ANKMY1: variants seen among roughly 807,000 people sequenced by gnomAD.
The protein encoded by ANKMY1 is ankyrin repeat and MYND domain-containing protein 1.
ANKMY1 carries 98 observed loss-of-function variants against 102.0 expected under a neutral mutation model. That is an observed-to-expected ratio of 0.96 (90% CI 0.82 to 1.14). The LOEUF is 1.14. Ranked by LOEUF, ANKMY1 falls within the 50% of genes most tolerant of loss-of-function variation. The pLI is 0.00. For missense variants in ANKMY1, 1,330 were observed against 1,347.6 expected (o/e 0.99, Z 0.20); for synonymous variants, 582 against 559.9 (o/e 1.04, Z -0.56).
chr2:240,519,446 C>T (rs952937990), intron 9 of ANKMY1, among the ~76,000 whole-genome samples: 12 of 152,234 alleles, frequency 7.9e-5, no homozygotes, highest in Non-Finnish European at 1.6e-4. Flanking sequence ...ACTTCCATCT[C>T]GCCCCATCCC....
At chr2:240,512,083 T>C in intron 10 of ANKMY1, 82 bp from the exon 11 acceptor site, 1 of 1,432,708 alleles carries the variant, frequency 7.0e-7, no homozygotes. Context: ...GGGAGCTTCC[T>C]CCCCAGCCTG....
At chr2:240,484,498 A>G (rs1174571971) in intron 15 of ANKMY1, among the ~76,000 whole-genome samples, 1 of 152,236 alleles carries the variant, frequency 6.6e-6, no homozygotes, top group Non-Finnish European at 1.5e-5. Context: ...CTGGCTAGCC[A>G]TATGCAGAAA....
At chr2:240,544,751 G>T (rs1454379954) in intron 4 of ANKMY1, among the ~76,000 whole-genome samples, 1 of 152,178 alleles carries the variant, frequency 6.6e-6, no homozygotes, top group East Asian at 1.9e-4. Flanking sequence ...GGTGACAGAC[G>T]GCACCTGGAA....
intron 13 of ANKMY1, among the ~76,000 whole-genome samples, chr2:240,502,729 G>T (rs1014954783): frequency 6.6e-6 from 1 of 151,262 alleles, no homozygotes; most frequent in Non-Finnish European, 1.5e-5. Context: ...ACTCACCAAC[G>T]CTCTCCTCCA....
chr2:240,554,524 C>T (rs1364770218), intron 3 of ANKMY1: 2 of 211,198 alleles, frequency 9.5e-6, no homozygotes, highest in Non-Finnish European at 1.9e-5. Flanking sequence ...TTAGAACATT[C>T]GCTGCCTTCT....
intron 12 of ANKMY1, among the ~76,000 whole-genome samples, chr2:240,508,563 C>T (rs2079509473): frequency 1.3e-5 from 2 of 152,240 alleles, no homozygotes; most frequent in African/African-American, 4.8e-5. Flanking sequence ...TCTCCATCCC[C>T]TCACTAAGCT....
intron 15 of ANKMY1, among the ~76,000 whole-genome samples, chr2:240,489,802 T>TA (rs2076434966): frequency 6.6e-6 from 1 of 152,244 alleles, no homozygotes; most frequent in African/African-American, 2.4e-5. Flanking sequence ...AATTCCCTCC[T>TA]CCTTAATTTT....
At chr2:240,534,795 A>C (rs1327218794) in intron 4 of ANKMY1, among the ~76,000 whole-genome samples, 1 of 152,100 alleles carries the variant, frequency 6.6e-6, no homozygotes, top group Non-Finnish European at 1.5e-5. Context: ...ATGAGCAGTC[A>C]AAAAAAGCAT....
In ANKMY1 at chr2:240,520,735, CGCACACACACG is replaced by C. The variant is rs1410231017; in HGVS notation, c.1833-213_1833-203del. 1.3e-5 allele frequency among the ~76,000 whole-genome samples: 2 copies of C among 151,000 alleles called. No individual in the cohort carries two copies. Among genetic ancestry groups the C allele is most frequent in the African/African-American group, 4.9e-5 (2 of 41,040 alleles). On this transcript the variant is annotated intron_variant, in intron 8 of 17. Transcript: ENST00000401804. This position sits in a 1 kb window ranked among gnomAD's most constrained non-coding sequence, Gnocchi z 4.8. ...CAACTACACACAAGCCACACCAGAG[CGCACACACACG>C]GCACACACAGCACACCACACAGCAC...
chr2:240,500,305 G>A, intron 14 of ANKMY1, 147 bp downstream of exon 14: 1 of 1,124,440 alleles, frequency 8.9e-7, no homozygotes, highest in South Asian at 1.6e-5. Context: ...ACTTTGGGGG[G>A]TTCACCTCTG....
Position 240,530,411 on chromosome 2 carries a change from G to A in ANKMY1, c.481-902C>T, listed in dbSNP as rs544257625. Among the ~76,000 whole-genome samples the A allele has an allele frequency of 2.6e-5, 4 of 152,274 alleles. No individual in the cohort carries two copies. In the South Asian group the frequency reaches 8.3e-4, roughly 32 times the overall value. ...ACCGTGCCCTTGGTGCTGCCCTCCT[G>A]ATAGGGCATTCTCACGAGATCTGCT... On this transcript the variant is annotated intron_variant, in intron 4 of 17. Transcript: ENST00000401804.
rs376796882 is a variant in ANKMY1 at position 240,520,424 on chromosome 2, C to T, written c.1942G>A (p.Val648Met). The change falls in exon 9 of 18, where the codon GTG becomes ATG. Residue 648 changes from valine (V) to methionine (M), a missense_variant. Transcript: ENST00000401804. This position sits in a 1 kb window ranked among gnomAD's most constrained non-coding sequence, Gnocchi z 4.8. ...TCCAGCAGCAGCCTCACCCCATCCA[C>T]GTCCCCGGCCTTCACAGCAAGGAAC... ...VLFLAVKAGD[V>M]DGVRLLLEHG... 8.7e-5 allele frequency: 140 copies of T among 1,610,148 alleles called. No homozygotes were observed. Among genetic ancestry groups the T allele is most frequent in the Middle Eastern group, 1.6e-4 (1 of 6,080 alleles).
intron 10 of ANKMY1, among the ~76,000 whole-genome samples, chr2:240,512,536 G>A (rs531973782): frequency 7.7e-4 from 117 of 152,306 alleles, no homozygotes; most frequent in African/African-American, 2.7e-3. Flanking sequence ...AGGTCCGCAT[G>A]GGGACCCCCA....
chr2:240,557,044 T>A, intron 2 of ANKMY1, 146 bp downstream of exon 2: 1 of 912,458 alleles, frequency 1.1e-6, no homozygotes, highest in Non-Finnish European at 1.5e-6. Flanking sequence ...GCTGACACAG[T>A]GTTGAGGCTT....
chr2:240,469,545 G>A, the ANKMY1 span, among the ~76,000 whole-genome samples: 3 of 152,210 alleles, frequency 2.0e-5, no homozygotes, highest in Admixed American at 6.5e-5. Context: ...CAGCCCAGCC[G>A]TGGTGGGTGG....
At chr2:240,510,149 A>G (rs1260672401) in intron 11 of ANKMY1, among the ~76,000 whole-genome samples, 1 of 32,362 alleles carries the variant, frequency 3.1e-5, no homozygotes, top group African/African-American at 1.1e-4. Context: ...CCTCCTCCCC[A>G]ATCCGTGCCC....
At chr2:240,476,408 G>C (rs35334341), downstream of ANKMY1, among the ~76,000 whole-genome samples, 6,666 of 152,306 alleles carry the variant, frequency 0.044, 188 homozygotes, top group South Asian at 0.083. Context: ...GATGCCAACT[G>C]TCTGCCAATC....
downstream of ANKMY1, chr2:240,479,287 A>C (rs1244504111): frequency 1.0e-5 from 4 of 391,202 alleles, no homozygotes; most frequent in South Asian, 4.3e-5. Flanking sequence ...CCTGACCCTC[A>C]CCTGCCTCGT....
chr2:240,546,917 C>T (rs1319207105), intron 4 of ANKMY1, among the ~76,000 whole-genome samples: 1 of 152,150 alleles, frequency 6.6e-6, no homozygotes, highest in African/African-American at 2.4e-5. Context: ...TAATGGGAGA[C>T]TTTAACACCC....
Sources: gnomAD v4.1 joint callset for allele counts (sites outside exome capture counted in the v4.1 genomes callset) on GRCh38, gnomAD v4.1.1 for gene constraint, Gnocchi (gnomAD v3.1) non-coding constraint, MANE v1.5 for transcripts, NCBI Gene and HGNC (gene_info 2026-07-23, HGNC 2026-07-21) for gene names.